Variants in SLIT2 observed in about 807,000 individuals in gnomAD.
SLIT2 encodes the protein slit homolog 2 protein.
A neutral mutation model predicts 185.7 loss-of-function variants in SLIT2; 41 were observed. The ratio of observed to expected loss-of-function variants is 0.22; its 90% CI spans 0.17 to 0.29. The LOEUF is 0.29. Ranked by LOEUF, SLIT2 falls within the 10% of genes least tolerant of loss-of-function variation. The pLI is 1.00. For synonymous variants in SLIT2, 693 were observed against 680.2 expected, an observed-to-expected ratio of 1.02 and a Z score of -0.29; for missense variants, 1,571 against 1,909.0, an observed-to-expected ratio of 0.82 and a Z score of 3.30.
intron 33 of SLIT2, among the ~76,000 whole-genome samples, chr4:20,602,957 T>G (rs993741724): frequency 1.2e-4 from 18 of 152,050 alleles, no homozygotes; most frequent in African/African-American, 3.9e-4. Flanking sequence ...AATAAGGGAA[T>G]GGATTTGGAA....
intron 4 of SLIT2, among the ~76,000 whole-genome samples, chr4:20,466,204 G>C (rs189373647): frequency 3.3e-5 from 5 of 151,694 alleles, no homozygotes; most frequent in Admixed American, 2.0e-4. Flanking sequence ...TTCTGTCATC[G>C]AGGCTTTTAA....
At chr4:20,506,164 G>A (rs1186462768) in intron 9 of SLIT2, among the ~76,000 whole-genome samples, 1 of 151,978 alleles carries the variant, frequency 6.6e-6, no homozygotes, top group African/African-American at 2.4e-5. Context: ...GGAGAAAAAG[G>A]TGTTGGCTCC....
chr4:20,519,272 G>C, intron 11 of SLIT2, 110 bp from the exon 12 acceptor site: 1 of 668,370 alleles, frequency 1.5e-6, no homozygotes, highest in South Asian at 1.6e-5. Flanking sequence ...TAACTTTTAT[G>C]ATGTATTGAT....
At chr4:20,530,296 G>A (rs1326917076) in intron 16 of SLIT2, among the ~76,000 whole-genome samples, 2 of 150,576 alleles carry the variant, frequency 1.3e-5, no homozygotes, top group East Asian at 3.9e-4. Flanking sequence ...TTGAGACAGA[G>A]TCTCACTATC....
intron 4 of SLIT2, among the ~76,000 whole-genome samples, chr4:20,370,244 CTTTCCCT>C (rs1723463845): frequency 6.6e-6 from 1 of 152,014 alleles, no homozygotes; most frequent in Non-Finnish European, 1.5e-5. Flanking sequence ...TAGAAAACTC[CTTTCCCT>C]TTCCACAAAG....
At chr4:20,286,074 G>A (rs1033128264) in intron 4 of SLIT2, among the ~76,000 whole-genome samples, 1 of 152,226 alleles carries the variant, frequency 6.6e-6, no homozygotes, top group Admixed American at 6.5e-5. Flanking sequence ...AAGAGATGAT[G>A]TAATGCCCAC....
intron 4 of SLIT2, among the ~76,000 whole-genome samples, chr4:20,287,381 A>C (rs1715358528): frequency 6.6e-6 from 1 of 152,192 alleles, no homozygotes; most frequent in South Asian, 2.1e-4. Flanking sequence ...AGAGTCTAGC[A>C]GAGAATATCT....
At chr4:20,409,914 G>A (rs534364001) in intron 4 of SLIT2, among the ~76,000 whole-genome samples, 1 of 152,004 alleles carries the variant, frequency 6.6e-6, no homozygotes, top group South Asian at 2.1e-4. Flanking sequence ...TTTTTAATGG[G>A]GTTGTTTTAC....
chr4:20,258,580 T>A (rs776039865), intron 3 of SLIT2, among the ~76,000 whole-genome samples: 3 of 151,748 alleles, frequency 2.0e-5, no homozygotes, highest in Non-Finnish European at 4.4e-5. Context: ...GAAGATTAAA[T>A]GTAGACTTCA....
chr4:20,475,943 GT>G (rs1716062586), intron 5 of SLIT2, among the ~76,000 whole-genome samples: 1 of 152,110 alleles, frequency 6.6e-6, no homozygotes, highest in Non-Finnish European at 1.5e-5. Context: ...AAAGCAAATT[GT>G]TGCCTGAAAT....
chr4:20,396,896 A>T (rs1339285615), intron 4 of SLIT2, among the ~76,000 whole-genome samples: 1 of 128,678 alleles, frequency 7.8e-6, no homozygotes, highest in Non-Finnish European at 1.9e-5. Context: ...AAATACATAA[A>T]TTATATTTAT....
intron 30 of SLIT2, among the ~76,000 whole-genome samples, chr4:20,592,133 G>A (rs1727563765): frequency 6.6e-6 from 1 of 152,134 alleles, no homozygotes. Context: ...CTGTGAAGCT[G>A]CTAAAGAAAA....
chr4:20,570,112 A>T (rs763178554), intron 29 of SLIT2, among the ~76,000 whole-genome samples: 5 of 152,056 alleles, frequency 3.3e-5, no homozygotes, highest in Non-Finnish European at 5.9e-5. Flanking sequence ...GTGACTCTGA[A>T]GGCTGCCTTT....
In SLIT2 at chr4:20,254,101, C is replaced by A; in HGVS notation, c.179+107C>A. The A allele has an allele frequency of 8.8e-7, 1 of 1,138,004 alleles. No individual in the cohort carries two copies. Among genetic ancestry groups the A allele is most frequent in the Non-Finnish European group, 1.3e-6 (1 of 794,138 alleles). 70.5% of individuals were successfully genotyped at this position (1,138,004 alleles called of 1,614,324 possible). On this transcript the variant is annotated intron_variant, in intron 1 of 36. Coordinates refer to ENST00000504154, the MANE Select transcript of SLIT2 (RefSeq NM_004787.4). The surrounding 1 kb of genome is among the most constrained non-coding windows in gnomAD (Gnocchi z 5.1). ...GGTCCTGTGCCTGGGGCAGCCCTCG[C>A]TAGCTCTCCCCCATGCACATCCTGG...
chr4:20,522,789 TGTAAA>T (rs1353230738), intron 12 of SLIT2, among the ~76,000 whole-genome samples: 1 of 152,160 alleles, frequency 6.6e-6, no homozygotes, highest in Admixed American at 6.6e-5. Flanking sequence ...CCAAGAGGGT[TGTAAA>T]GTATTCATTC....
chr4:20,504,792 A>G (rs563486814), intron 9 of SLIT2, among the ~76,000 whole-genome samples: 1 of 152,200 alleles, frequency 6.6e-6, no homozygotes, highest in East Asian at 1.9e-4. Context: ...TTTGCTCTAC[A>G]TGGTTTCCGT....
intron 5 of SLIT2, among the ~76,000 whole-genome samples, chr4:20,472,222 GTATATA>G (rs1217006714): frequency 4.2e-5 from 4 of 94,244 alleles, no homozygotes; most frequent in South Asian, 3.4e-4. Context: ...GTGTGTGTGT[GTATATA>G]TATATAGATC....
chr4:20,493,559 T>C (rs1020904202), intron 9 of SLIT2, among the ~76,000 whole-genome samples: 5 of 152,166 alleles, frequency 3.3e-5, no homozygotes, highest in African/African-American at 9.7e-5. Flanking sequence ...TTCAAGGTCT[T>C]ACAAAGGGCA....
At chr4:20,433,739 C>T (rs986962383) in intron 4 of SLIT2, among the ~76,000 whole-genome samples, 2 of 152,156 alleles carry the variant, frequency 1.3e-5, no homozygotes, top group African/African-American at 4.8e-5. Flanking sequence ...GGTTTTCCCT[C>T]TGTTTGCAGA....
Sources: gnomAD v4.1 joint callset for allele counts (sites outside exome capture counted in the v4.1 genomes callset) on GRCh38, gnomAD v4.1.1 for gene constraint, Gnocchi (gnomAD v3.1) non-coding constraint, MANE v1.5 for transcripts, NCBI Gene and HGNC (gene_info 2026-07-23, HGNC 2026-07-21) for gene names.